The following C8orf34 variants were observed in gnomAD, a reference collection of about 807,000 sequenced individuals.
C8orf34 encodes uncharacterized protein C8orf34.
C8orf34 carries 65 observed loss-of-function variants against 68.3 expected under a neutral mutation model. The observed-to-expected ratio is 0.95, with a 90% CI of 0.78 to 1.17. C8orf34 has a LOEUF of 1.17. Ranked by LOEUF, C8orf34 falls within the 50% of genes most tolerant of loss-of-function variation. The pLI is 0.00. For synonymous variants in C8orf34, 244 were observed against 241.2 expected (o/e 1.01, Z -0.11); for missense variants, 664 against 655.4 (o/e 1.01, Z -0.14).
In C8orf34 at chr8:68,536,073, T is replaced by G. The variant is rs924522647; in HGVS notation, c.1105+2924T>G. On this transcript the variant is annotated intron_variant, in intron 7 of 13. Coordinates refer to ENST00000518698, the MANE Select transcript of C8orf34 (RefSeq NM_052958.4). ...TGATTTTCAAAAATGGAATGACAAG[T>G]TACAATGGTAGAATGAGAGATTTAT... Among the ~76,000 whole-genome samples, 5 of 151,858 alleles carry G rather than the reference T, an allele frequency of 3.3e-5. 1 individual carries two copies. Among genetic ancestry groups the G allele is most frequent in the African/African-American group, 7.3e-5 (3 of 41,378 alleles).
intron 7 of C8orf34, among the ~76,000 whole-genome samples, chr8:68,619,469 C>A (rs969907675): frequency 3.5e-5 from 5 of 142,154 alleles, no homozygotes. Context: ...ACCTGGTTAT[C>A]GTGAACCATA....
At chr8:68,502,418 G>A (rs569755745) in intron 5 of C8orf34, among the ~76,000 whole-genome samples, 5 of 152,204 alleles carry the variant, frequency 3.3e-5, no homozygotes, top group Non-Finnish European at 4.4e-5. Flanking sequence ...AAAAAAGCTC[G>A]GAGCTAGCAT....
chr8:68,415,708 T>C (rs930739873), intron 1 of C8orf34, among the ~76,000 whole-genome samples: 7 of 152,202 alleles, frequency 4.6e-5, no homozygotes, highest in Non-Finnish European at 1.0e-4. Context: ...TCCACCTCTC[T>C]AGTTTGTACT....
At chr8:68,420,604 A>G (rs920968162) in intron 1 of C8orf34, among the ~76,000 whole-genome samples, 58 of 152,256 alleles carry the variant, frequency 3.8e-4, no homozygotes, top group African/African-American at 1.4e-3. Flanking sequence ...TAAACAATAG[A>G]ATTAAACAAG....
intron 5 of C8orf34, among the ~76,000 whole-genome samples, chr8:68,497,682 T>C (rs989868296): frequency 1.3e-5 from 2 of 152,046 alleles, no homozygotes; most frequent in African/African-American, 4.8e-5. Context: ...GCTATACAAA[T>C]GAAAGGATAT....
chr8:68,649,844 GA>G (rs201565912), intron 8 of C8orf34, among the ~76,000 whole-genome samples: 23 of 150,478 alleles, frequency 1.5e-4, no homozygotes, highest in African/African-American at 2.2e-4. Context: ...ACAACGTATG[GA>G]AAAAAAAACC....
intron 8 of C8orf34, among the ~76,000 whole-genome samples, chr8:68,648,553 A>C (rs992691032): frequency 2.0e-5 from 3 of 152,206 alleles, no homozygotes; most frequent in African/African-American, 7.2e-5. Flanking sequence ...GACTCATGCC[A>C]GGGCATTCCG....
rs542358175 is a variant in C8orf34, at chr8:68,575,805, A to C, written c.1105+42656A>C. Reference sequence around the variant, plus strand: ...TTTCAGTAGCATATCATTTTTGTTGAGATTTAATCAAGTATTATCATTGGC... The same window carrying C: ...TTTCAGTAGCATATCATTTTTGTTGCGATTTAATCAAGTATTATCATTGGC... On this transcript the variant is annotated intron_variant, in intron 7 of 13. Coordinates refer to ENST00000518698, the MANE Select transcript of C8orf34 (RefSeq NM_052958.4). Among the ~76,000 whole-genome samples, 191 of 152,024 alleles carry C rather than the reference A, an allele frequency of 1.3e-3. 1 individual carries two copies. Among genetic ancestry groups the C allele is most frequent in the African/African-American group, 4.4e-3 (181 of 41,494 alleles).
chr8:68,374,633 CAG>C (rs1408678450), intron 1 of C8orf34, among the ~76,000 whole-genome samples: 5 of 152,180 alleles, frequency 3.3e-5, no homozygotes, highest in Non-Finnish European at 2.9e-5. Context: ...CCCAGTGCTA[CAG>C]AGTCTCTAAG....
At chr8:68,623,881 T>C (rs1818458180) in intron 7 of C8orf34, among the ~76,000 whole-genome samples, 2 of 152,248 alleles carry the variant, frequency 1.3e-5, no homozygotes, top group South Asian at 4.1e-4. Flanking sequence ...TTTCAACCTC[T>C]GAATTTTGGT....
chr8:68,345,786 G>C (rs1806258133), intron 1 of C8orf34, among the ~76,000 whole-genome samples: 1 of 151,682 alleles, frequency 6.6e-6, no homozygotes, highest in Non-Finnish European at 1.5e-5. Flanking sequence ...TATGTGTGTG[G>C]TGTATGTGTC....
intron 3 of C8orf34, among the ~76,000 whole-genome samples, chr8:68,460,232 T>C (rs929438115): frequency 3.9e-5 from 6 of 152,086 alleles, no homozygotes; most frequent in Admixed American, 6.5e-5. Context: ...GCAGCGAGGC[T>C]GGGGGAGGGG....
chr8:68,719,994 T>A (rs753626979), intron 9 of C8orf34, among the ~76,000 whole-genome samples: 6 of 152,004 alleles, frequency 3.9e-5, no homozygotes, highest in Non-Finnish European at 7.4e-5. Context: ...AAATTTATTG[T>A]CAGCTTTACA....
intron 10 of C8orf34, among the ~76,000 whole-genome samples, chr8:68,774,829 G>A (rs774497919): frequency 2.6e-5 from 4 of 151,326 alleles, no homozygotes; most frequent in Admixed American, 6.6e-5. Flanking sequence ...ACCCTGGGCC[G>A]GGTGTGGTGG....
chr8:68,744,761 G>A (rs1408586009), intron 10 of C8orf34, among the ~76,000 whole-genome samples: 1 of 151,758 alleles, frequency 6.6e-6, no homozygotes, highest in Non-Finnish European at 1.5e-5. Context: ...TGTCTGATTG[G>A]TGTACCTGAA....
intron 5 of C8orf34, among the ~76,000 whole-genome samples, chr8:68,513,699 T>C (rs151272928): frequency 9.3e-4 from 142 of 152,326 alleles, no homozygotes; most frequent in Non-Finnish European, 1.8e-3. Context: ...TTAATTACTG[T>C]CCAATGAAGC....
chr8:68,487,470 G>A (rs1480414481), intron 4 of C8orf34, among the ~76,000 whole-genome samples: 1 of 152,132 alleles, frequency 6.6e-6, no homozygotes, highest in African/African-American at 2.4e-5. Context: ...TGGATGGTGG[G>A]GGAAGGAACT....
intron 4 of C8orf34, among the ~76,000 whole-genome samples, chr8:68,473,412 G>A (rs897592894): frequency 1.3e-5 from 2 of 152,090 alleles, no homozygotes; most frequent in African/African-American, 4.8e-5. Flanking sequence ...CACTTGGCAG[G>A]TGCCATGTTG....
rs139949886 is a variant in C8orf34 at position 68,545,881 on chromosome 8, T to C, written c.1105+12732T>C. ...CTGCTTAAAGCAAAAATACAAACAA[T>C]GTAGTATAGAGTTTATAATAAACAC... On this transcript the variant is annotated intron_variant, in intron 7 of 13. Transcript: ENST00000518698. 3.8e-3 allele frequency among the ~76,000 whole-genome samples: 582 copies of C among 152,118 alleles called. 4 individuals are homozygous for C. The highest frequency in any genetic ancestry group is 0.014 in the African/African-American group (561 of 41,530).
Sources: allele counts gnomAD v4.1 joint callset (sites outside exome capture counted in the v4.1 genomes callset), GRCh38; gene constraint gnomAD v4.1.1; transcripts MANE v1.5; gene names NCBI Gene and HGNC (gene_info 2026-07-23, HGNC 2026-07-21).